The following RABGAP1L variants were observed in gnomAD, a reference collection of about 807,000 sequenced individuals.
RABGAP1L encodes the protein RAB GTPase activating protein 1 like.
RABGAP1L carries 63 observed loss-of-function variants against 137.7 expected under a neutral mutation model. The observed-to-expected ratio is 0.46, with a 90% CI of 0.37 to 0.56. The LOEUF (loss-of-function observed/expected upper bound fraction) is 0.56. Among genes scored for constraint, RABGAP1L ranks in the 20% least tolerant of loss-of-function variants. RABGAP1L has a pLI of 0.00. For missense variants in RABGAP1L, 1,095 were observed against 1,244.0 expected (o/e 0.88, Z 1.80); for synonymous variants, 431 against 433.7 (o/e 0.99, Z 0.08).
intron 18 of RABGAP1L, among the ~76,000 whole-genome samples, chr1:174,768,999 C>T (rs1328946104): frequency 6.6e-6 from 1 of 151,830 alleles, no homozygotes; most frequent in Non-Finnish European, 1.5e-5. Context: ...TTCCTTAGAA[C>T]TTCATTTCTG....
chr1:174,416,914 G>C (rs1366027659), intron 13 of RABGAP1L, among the ~76,000 whole-genome samples: 1 of 152,078 alleles, frequency 6.6e-6, no homozygotes, highest in African/African-American at 2.4e-5. Flanking sequence ...AACGGGAATT[G>C]ATTATAAACT....
intron 6 of RABGAP1L, 138 bp from the exon 7 acceptor site, chr1:174,252,342 C>A: frequency 2.1e-6 from 2 of 966,978 alleles, no homozygotes. Flanking sequence ...CTGCCTGTGG[C>A]AAGGTGAGAG....
chr1:174,455,928 C>T (rs572098201), intron 13 of RABGAP1L, among the ~76,000 whole-genome samples: 225 of 152,164 alleles, frequency 1.5e-3, no homozygotes, highest in Non-Finnish European at 2.8e-3. Flanking sequence ...GACAAAGATA[C>T]TACTGACGAC....
At chr1:174,386,782 CAGGTGT>C (rs1686827142) in intron 12 of RABGAP1L, among the ~76,000 whole-genome samples, 1 of 152,072 alleles carries the variant, frequency 6.6e-6, no homozygotes, top group Admixed American at 6.6e-5. Flanking sequence ...GCTGGGATTA[CAGGTGT>C]GAGCCACCGC....
At chr1:174,586,121 A>T (rs1387102523) in intron 13 of RABGAP1L, among the ~76,000 whole-genome samples, 10 of 152,204 alleles carry the variant, frequency 6.6e-5, no homozygotes, top group African/African-American at 2.4e-4. Context: ...CATGGAATCA[A>T]TCCAAATGCC....
intron 18 of RABGAP1L, among the ~76,000 whole-genome samples, chr1:174,784,411 A>G (rs1793297): frequency 0.42 from 63,858 of 151,872 alleles, 15,731 homozygotes; most frequent in Non-Finnish European, 0.54. Context: ...AATTTATTAT[A>G]TTTATCTTAT....
intron 13 of RABGAP1L, among the ~76,000 whole-genome samples, chr1:174,513,288 T>C (rs556944412): frequency 7.7e-4 from 117 of 152,130 alleles, no homozygotes; most frequent in Non-Finnish European, 1.5e-3. Flanking sequence ...CTTAATGGAT[T>C]ATTTACTACC....
chr1:174,290,922 T>C (rs944528136), intron 10 of RABGAP1L, among the ~76,000 whole-genome samples: 2 of 152,010 alleles, frequency 1.3e-5, no homozygotes, highest in Non-Finnish European at 2.9e-5. Flanking sequence ...CCACCACACC[T>C]GGCTAAGTTT....
chr1:174,832,755 C>T (rs1014115580), intron 19 of RABGAP1L, among the ~76,000 whole-genome samples: 2 of 152,218 alleles, frequency 1.3e-5, no homozygotes, highest in African/African-American at 4.8e-5. Flanking sequence ...TCTGTAGCCC[C>T]AGGTCCCTTT....
At chr1:174,870,956 G>A (rs979793462) in intron 19 of RABGAP1L, among the ~76,000 whole-genome samples, 6 of 151,962 alleles carry the variant, frequency 3.9e-5, no homozygotes, top group African/African-American at 1.4e-4. Context: ...AGCCAGGATG[G>A]TCTCGATCTC....
intron 13 of RABGAP1L, among the ~76,000 whole-genome samples, chr1:174,425,166 A>G (rs2149177462): frequency 6.6e-6 from 1 of 152,188 alleles, no homozygotes; most frequent in South Asian, 2.1e-4. Context: ...CTGTATAACC[A>G]ATAGATAGTG....
intron 18 of RABGAP1L, among the ~76,000 whole-genome samples, chr1:174,774,476 A>C (rs916673128): frequency 3.3e-5 from 5 of 152,026 alleles, no homozygotes; most frequent in African/African-American, 1.2e-4. Flanking sequence ...CTGGCATTGC[A>C]CTCCGGTGAT....
chr1:174,398,971 A>G (rs1335595904), intron 13 of RABGAP1L, among the ~76,000 whole-genome samples: 1 of 152,168 alleles, frequency 6.6e-6, no homozygotes, highest in African/African-American at 2.4e-5. Flanking sequence ...TATAATAAAT[A>G]TTTTCACATT....
At chr1:174,241,451 A>G (rs760175133) in intron 4 of RABGAP1L, 32 bp from the exon 5 acceptor site, 3 of 1,395,496 alleles carry the variant, frequency 2.1e-6, no homozygotes, top group Non-Finnish European at 2.9e-6. Context: ...GAGAATTAAT[A>G]TTTTATCTAA....
chr1:174,936,719 A>G (rs900078539), intron 19 of RABGAP1L, among the ~76,000 whole-genome samples: 2 of 152,244 alleles, frequency 1.3e-5, no homozygotes, highest in African/African-American at 4.8e-5. Flanking sequence ...TCAAGATGTT[A>G]GCCAGTAAAT....
intron 11 of RABGAP1L, among the ~76,000 whole-genome samples, chr1:174,307,621 A>G (rs1052407572): frequency 6.6e-6 from 1 of 152,152 alleles, no homozygotes; most frequent in African/African-American, 2.4e-5. Flanking sequence ...TGTTTCATCT[A>G]CATTGATACA....
intron 18 of RABGAP1L, among the ~76,000 whole-genome samples, chr1:174,779,571 G>A (rs1686790901): frequency 6.6e-6 from 1 of 152,096 alleles, no homozygotes; most frequent in South Asian, 2.1e-4. Flanking sequence ...GTTTTTTCCA[G>A]TTGTTCTATT....
chr1:174,932,000 T>G (rs1010797249), intron 19 of RABGAP1L, among the ~76,000 whole-genome samples: 5 of 142,810 alleles, frequency 3.5e-5, no homozygotes, highest in South Asian at 4.3e-4. Flanking sequence ...GTTTTTTTTT[T>G]TTTTTTTTTT....
chr1:174,619,390 G>A (rs1361161655), intron 13 of RABGAP1L, among the ~76,000 whole-genome samples: 4 of 152,182 alleles, frequency 2.6e-5, no homozygotes, highest in Admixed American at 6.6e-5. Flanking sequence ...AGCCAGAGAG[G>A]AAGGTTGGGT....
Sources: allele counts gnomAD v4.1 joint callset (sites outside exome capture counted in the v4.1 genomes callset), GRCh38; gene constraint gnomAD v4.1.1; transcripts MANE v1.5; gene names NCBI Gene and HGNC (gene_info 2026-07-23, HGNC 2026-07-21).